C21orf58: variants seen among roughly 807,000 people sequenced by gnomAD.
C21orf58 encodes uncharacterized protein C21orf58.
Under a neutral mutation model 35.8 loss-of-function variants are expected in C21orf58, and 34 were observed. The observed-to-expected ratio is 0.95, with a 90% confidence interval of 0.72 to 1.26. The LOEUF (loss-of-function observed/expected upper bound fraction) is 1.26, where lower values mean the gene tolerates loss of function less well. Among genes scored for constraint, C21orf58 ranks in the 50% most tolerant of loss-of-function variants. C21orf58 has a pLI of 0.00. For synonymous variants in C21orf58, 191 were observed against 175.8 expected (o/e 1.09, Z -0.68); for missense variants, 440 against 414.3 (o/e 1.06, Z -0.54).
At chr21:46,303,385 AAG>A (rs2082214348) in intron 6 of C21orf58, among the ~76,000 whole-genome samples, 1 of 151,880 alleles carries the variant, frequency 6.6e-6, no homozygotes, top group Non-Finnish European at 1.5e-5. Flanking sequence ...AGACACCATG[AAG>A]AGAGTGAAAA....
At chr21:46,322,565 C>T in intron 1 of C21orf58, 74 bp downstream of exon 1, 4 of 1,376,726 alleles carry the variant, frequency 2.9e-6, no homozygotes, top group Non-Finnish European at 3.8e-6. Flanking sequence ...TCTAATGAGC[C>T]CACTGCCCAG....
chr21:46,311,876 C>G (rs1204799735), intron 5 of C21orf58, among the ~76,000 whole-genome samples: 1 of 151,262 alleles, frequency 6.6e-6, no homozygotes, highest in Non-Finnish European at 1.5e-5. Context: ...TCCATCCAAC[C>G]AGCCAACCAT....
intron 1 of C21orf58, among the ~76,000 whole-genome samples, chr21:46,320,300 A>C (rs2083111607): frequency 6.6e-6 from 1 of 151,954 alleles, no homozygotes; most frequent in African/African-American, 2.4e-5. Context: ...ATGGGGTTTC[A>C]CCATGTTGGC....
chr21:46,312,501 T>C (rs183937924), intron 5 of C21orf58, among the ~76,000 whole-genome samples: 7 of 152,168 alleles, frequency 4.6e-5, no homozygotes, highest in East Asian at 1.9e-4. Flanking sequence ...GTGTTTTTAG[T>C]ATAGACGGGG....
rs530028128 is a variant in C21orf58 at position 46,323,715 on chromosome 21, G to T, written c.-977C>A. ...CTTCCCGCGGCGGCCCACAGCCAAC[G>T]ACTAATGCCTGAGCGGGAGAAAACG... On this transcript the variant is annotated 5_prime_UTR_variant, in exon 1 of 8. Transcript: ENST00000291691. 5.2e-6 allele frequency: 1 copy of T among 192,490 alleles called. No homozygotes were observed. The highest frequency in any genetic ancestry group is 2.4e-5 in the African/African-American group (1 of 41,618). The allele number at this position is 192,490 out of a possible 1,614,324, so 11.9% of individuals were successfully genotyped here.
chr21:46,322,680 T>C lies in C21orf58; in HGVS notation c.59A>G (p.Gln20Arg). ...SLRKPWKLDRQKLPSPDSGHS... is the reference protein window; with the variant it reads ...SLRKPWKLDRRKLPSPDSGHS... ...GCCTGAGTCAGGAGAAGGAAGTTTC[T>C]GGCGGTCGAGCTTCCACGGCTTCCT... Residue 20 changes from glutamine to arginine, a missense_variant, in exon 1 of 8, where the codon CAG (glutamine) becomes CGG (arginine). By Grantham distance (43) the Gln-to-Arg change is conservative. Transcript: ENST00000291691. 6.3e-7 allele frequency: 1 copy of C among 1,589,978 alleles called. No individual in the cohort carries two copies. The highest frequency in any genetic ancestry group is 8.6e-7 in the Non-Finnish European group (1 of 1,167,742).
chr21:46,310,209 G>A (rs1192195165), intron 6 of C21orf58, among the ~76,000 whole-genome samples: 1 of 152,006 alleles, frequency 6.6e-6, no homozygotes, highest in Non-Finnish European at 1.5e-5. Context: ...AGGTGTGGTG[G>A]CTCACACCTG....
At chr21:46,303,730 TATATATATA>T (rs2082255474) in intron 6 of C21orf58, among the ~76,000 whole-genome samples, 5 of 28,732 alleles carry the variant, frequency 1.7e-4, no homozygotes, top group Non-Finnish European at 2.6e-4. Context: ...TATATATATA[TATATATATA>T]TATATATTTT....
chr21:46,322,974 G>A lies in C21orf58; in HGVS notation c.-236C>T. ...TTTGCAAGTGAAGGCGCACGAACAG[G>A]CCCGGAGGACTACAAAGAAACCCAG... On this transcript the variant is annotated 5_prime_UTR_variant, in exon 1 of 8. Coordinates refer to ENST00000291691, the MANE Select transcript of C21orf58 (RefSeq NM_058180.5). 1 of 257,338 alleles carries A rather than the reference G, an allele frequency of 3.9e-6. No individual in the cohort carries two copies. The highest frequency in any genetic ancestry group is 6.2e-6 in the Non-Finnish European group (1 of 160,966). The allele number at this position is 257,338 out of a possible 1,614,324, so 15.9% of individuals were successfully genotyped here.
rs1371153644 is a variant in C21orf58 at position 46,301,446 on chromosome 21, T to C, written c.*553A>G. On this transcript the variant is annotated 3_prime_UTR_variant, in exon 8 of 8. Transcript: ENST00000291691. ...ACAGGCATGAGCCATGCACCCCTAC[T>C]TCTTTAGTGGGAGTCTGTGCCACAG... 7.2e-5 allele frequency: 70 copies of C among 976,362 alleles called. No individual in the cohort carries two copies. Among genetic ancestry groups the C allele is most frequent in the Non-Finnish European group, 8.4e-5 (69 of 824,388 alleles). 60.5% of individuals were successfully genotyped at this position (976,362 alleles called of 1,614,324 possible).
At chr21:46,310,177 A>G (rs2082612213) in intron 6 of C21orf58, among the ~76,000 whole-genome samples, 1 of 152,028 alleles carries the variant, frequency 6.6e-6, no homozygotes, top group Admixed American at 6.5e-5. Context: ...TGTTATATGT[A>G]TATGTTAAAA....
At chr21:46,302,663 AGGTGTGTCTGT>A (rs2082164133) in intron 6 of C21orf58, 87 bp from the exon 7 acceptor site, 1 of 1,096,120 alleles carries the variant, frequency 9.1e-7, no homozygotes, top group East Asian at 2.6e-5. Context: ...ACCAGAGAAC[AGGTGTGTCTGT>A]ACACTGTGCA....
At chr21:46,315,220 T>C (rs1601693844) in intron 4 of C21orf58, 2 of 605,734 alleles carry the variant, frequency 3.3e-6, no homozygotes, top group Admixed American at 6.0e-5. Context: ...CTTTGGTGAG[T>C]GCCGTGGGAG....
chr21:46,314,682 C>T (rs372707089), intron 5 of C21orf58, 34 bp downstream of exon 5: 16 of 1,397,604 alleles, frequency 1.1e-5, no homozygotes, highest in East Asian at 2.6e-5. Flanking sequence ...CCGCCTCCCA[C>T]TCTCAGATGT....
intron 6 of C21orf58, 129 bp from the exon 7 acceptor site, chr21:46,302,705 A>T (rs1055482346): frequency 3.0e-5 from 22 of 741,800 alleles, no homozygotes; most frequent in African/African-American, 2.6e-4. Flanking sequence ...GCAGGCTCTG[A>T]GTCCGTCTGC....
chr21:46,302,030 G>C lies in C21orf58; in HGVS notation c.938C>G (p.Ala313Gly). 1 of 1,537,076 alleles carries C rather than the reference G, an allele frequency of 6.5e-7. No homozygotes were observed. Among genetic ancestry groups the C allele is most frequent in the Non-Finnish European group, 8.8e-7 (1 of 1,141,314 alleles). The change falls in exon 8 of 8, where the codon GCC becomes GGC. Residue 313 changes from alanine to glycine, a missense_variant. By Grantham distance (60) the Ala-to-Gly change is moderately conservative. Coordinates refer to ENST00000291691, the MANE Select transcript of C21orf58 (RefSeq NM_058180.5). ...TGGGCCAGGCGTCCACAGGCTGGGG[G>C]CGGGCTGGAGGACAGTGGCAGCCCC... Reference protein sequence around the residue: ...PPGAATVLQPAPSLWTPGPP With the variant: ...PPGAATVLQPGPSLWTPGPP
At chr21:46,312,701 T>C (rs2082788871) in intron 5 of C21orf58, among the ~76,000 whole-genome samples, 1 of 152,208 alleles carries the variant, frequency 6.6e-6, no homozygotes, top group African/African-American at 2.4e-5. Context: ...GCCACTTTAA[T>C]AGAGATGCAG....
At chr21:46,309,386 C>T (rs1385209524) in intron 6 of C21orf58, among the ~76,000 whole-genome samples, 2 of 150,074 alleles carry the variant, frequency 1.3e-5, no homozygotes, top group African/African-American at 4.9e-5. Context: ...CGCTTGAACC[C>T]GGTGGGCAGA....
intron 1 of C21orf58, chr21:46,318,434 G>A: frequency 7.0e-7 from 1 of 1,424,672 alleles, no homozygotes; most frequent in Non-Finnish European, 9.1e-7. Flanking sequence ...GCAAAAAAGT[G>A]GGCAGCAGCT....
Sources: allele counts gnomAD v4.1 joint callset (sites outside exome capture counted in the v4.1 genomes callset), GRCh38; gene constraint gnomAD v4.1.1; transcripts MANE v1.5; gene names NCBI Gene and HGNC (gene_info 2026-07-23, HGNC 2026-07-21).